Variants in TXNDC5 observed in about 807,000 individuals in gnomAD.
TXNDC5 encodes thioredoxin domain-containing protein 5.
Under a neutral mutation model 52.6 loss-of-function variants are expected in TXNDC5, and 44 were observed. The observed-to-expected ratio is 0.84, with a 90% CI of 0.66 to 1.08. TXNDC5 has a LOEUF of 1.08. Ranked by LOEUF, TXNDC5 falls within the 50% of genes least tolerant of loss-of-function variation. The pLI is 0.00. For missense variants in TXNDC5, 600 were observed against 565.5 expected, an observed-to-expected ratio of 1.06 and a Z score of -0.62; for synonymous variants, 241 against 234.4, an observed-to-expected ratio of 1.03 and a Z score of -0.26.
intron 1 of TXNDC5, among the ~76,000 whole-genome samples, chr6:7,907,024 G>A (rs1022843245): frequency 6.6e-6 from 1 of 152,178 alleles, no homozygotes; most frequent in Non-Finnish European, 1.5e-5. Context: ...CTGGGGCGGT[G>A]TCCAACAAGG....
At chr6:7,884,854 C>T (rs1416889873) in intron 8 of TXNDC5, among the ~76,000 whole-genome samples, 1 of 152,230 alleles carries the variant, frequency 6.6e-6, no homozygotes, top group African/African-American at 2.4e-5. Context: ...TAAAAGGTCA[C>T]TTGAATGCCA....
intron 4 of TXNDC5, among the ~76,000 whole-genome samples, chr6:7,892,632 C>T (rs1020801233): frequency 6.6e-6 from 1 of 151,934 alleles, no homozygotes; most frequent in Non-Finnish European, 1.5e-5. Flanking sequence ...ATGCTGGTCT[C>T]GTGATAGTGA....
chr6:7,908,281 CAAAAAAA>C (rs57783770), intron 1 of TXNDC5, among the ~76,000 whole-genome samples: 9 of 62,780 alleles, frequency 1.4e-4, no homozygotes, highest in African/African-American at 2.3e-4. Flanking sequence ...GACTCCATCT[CAAAAAAA>C]AAAAAAAAAA....
intron 1 of TXNDC5, chr6:7,909,763 G>A: frequency 1.0e-6 from 1 of 985,928 alleles, no homozygotes; most frequent in Non-Finnish European, 1.2e-6. Flanking sequence ...TCCTCTGCCC[G>A]GACCACTCCT....
intron 3 of TXNDC5, among the ~76,000 whole-genome samples, chr6:7,896,895 T>C (rs1248657550): frequency 6.6e-6 from 1 of 152,196 alleles, no homozygotes; most frequent in Admixed American, 6.5e-5. Flanking sequence ...CATAAGCTGA[T>C]ATGGTGCTTA....
At position 7,909,721 on chromosome 6, in the gene TXNDC5, A is replaced by G. The variant is rs897044572; in HGVS notation, c.263+793T>C. On this transcript the variant is annotated intron_variant, in intron 1 of 9. Transcript: ENST00000379757. ...GCGGAGGGGTTCCAGAATTCGCACT[A>G]CCTTGGTCTTCCCGGGGTAGCTCAG... 5.7e-5 allele frequency: 55 copies of G among 971,314 alleles called. No homozygotes were observed. The African/African-American group carries it at 8.9e-4, about 16-fold the overall frequency. The allele number at this position is 971,314 out of a possible 1,614,324, so 60.2% of individuals were successfully genotyped here.
chr6:7,883,263 G>A lies in TXNDC5; in HGVS notation c.1180C>T (p.Arg394Ter), dbSNP rs377761794. Residue 394 changes from arginine (R) to a stop codon, truncating the protein, a stop_gained, in exon 10 of 10, where the codon CGA becomes TGA. Transcript: ENST00000379757. LOFTEE classifies it low-confidence loss of function (END_TRUNC). ...ERNICSKYSVRGYPTLLLFRG... is the reference protein window; with the variant it reads ...ERNICSKYSV ...AAAAGCAATAACGTGGGGTAGCCTC[G>A]TACCTTAAAACAAAAAAGAAAAAAG... The A allele has an allele frequency of 1.1e-5, 18 of 1,613,956 alleles. No homozygotes were observed. The highest frequency in any genetic ancestry group is 1.7e-5 in the Admixed American group (1 of 60,000).
chr6:7,885,913 G>T, intron 8 of TXNDC5, 48 bp downstream of exon 8: 2 of 1,565,604 alleles, frequency 1.3e-6, no homozygotes, highest in South Asian at 2.2e-5. Context: ...AACATGATGT[G>T]ACTTAGTACA....
At chr6:7,888,989 G>T in intron 6 of TXNDC5, 141 bp from the exon 7 acceptor site, 1 of 1,110,356 alleles carries the variant, frequency 9.0e-7, no homozygotes, top group Non-Finnish European at 1.3e-6. Context: ...TTCATATTTA[G>T]ACGGGAATGT....
At position 7,888,735 on chromosome 6, in the gene TXNDC5, C is replaced by T. The variant is rs201328333; in HGVS notation, c.933G>A (p.Pro311=). ...ATETVTPSEA[P]VLAAEPEADK... Reference sequence around the variant, plus strand: ...CAGCCTCGGGCTCAGCTGCCAGCACCGGGGCCTCTGAGGGCGTGACGGTCT... The same window carrying T: ...CAGCCTCGGGCTCAGCTGCCAGCACTGGGGCCTCTGAGGGCGTGACGGTCT... Residue 311 remains proline, a synonymous_variant, in exon 7 of 10, where the codon CCG becomes CCA. Transcript: ENST00000379757. The T allele has an allele frequency of 2.6e-5, 42 of 1,613,272 alleles. No homozygotes were observed. The Middle Eastern group carries it at 1.8e-3, about 70-fold the overall frequency.
At chr6:7,896,945 CT>C (rs1020300536) in intron 3 of TXNDC5, among the ~76,000 whole-genome samples, 21 of 151,570 alleles carry the variant, frequency 1.4e-4, no homozygotes, top group Admixed American at 3.9e-4. Flanking sequence ...TAAAAATGAT[CT>C]TTTTTTTTAT....
At chr6:7,908,281 CAAAAA>C (rs57783770) in intron 1 of TXNDC5, among the ~76,000 whole-genome samples, 2 of 62,764 alleles carry the variant, frequency 3.2e-5, no homozygotes, top group Middle Eastern at 0.01. Flanking sequence ...GACTCCATCT[CAAAAA>C]AAAAAAAAAA....
At position 7,906,227 on chromosome 6, in the gene TXNDC5, A is replaced by AT. The variant is rs201743186; in HGVS notation, c.264-1505dup. 4.6e-3 allele frequency among the ~76,000 whole-genome samples: 684 copies of AT among 148,068 alleles called. 5 individuals are homozygous for AT. Among genetic ancestry groups the AT allele is most frequent in the African/African-American group, 0.016 (653 of 39,996 alleles). On this transcript the variant is annotated intron_variant, in intron 1 of 9. Transcript: ENST00000379757. ...CTGCACTCCAGCCTGGGTGACAGAGATTTTGTCTCTTAAGAAAAAAAGGAT... is the reference window on the plus strand; with the variant it reads ...CTGCACTCCAGCCTGGGTGACAGAGATTTTTGTCTCTTAAGAAAAAAAGGAT...
intron 5 of TXNDC5, among the ~76,000 whole-genome samples, chr6:7,890,597 G>C (rs1760156633): frequency 6.6e-6 from 1 of 152,120 alleles, no homozygotes; most frequent in African/African-American, 2.4e-5. Context: ...CAGTAGACAA[G>C]ATTATTTTAT....
intron 2 of TXNDC5, among the ~76,000 whole-genome samples, chr6:7,903,000 C>A (rs1760618754): frequency 6.6e-6 from 1 of 152,124 alleles, no homozygotes; most frequent in Non-Finnish European, 1.5e-5. Context: ...TAACACATAC[C>A]ACTCTCAGCT....
At chr6:7,890,355 C>CAG (rs1554128314) in intron 5 of TXNDC5, among the ~76,000 whole-genome samples, 1 of 152,086 alleles carries the variant, frequency 6.6e-6, no homozygotes, top group African/African-American at 2.4e-5. Context: ...AGCTAAGGTG[C>CAG]GGAACTGAAG....
intron 3 of TXNDC5, among the ~76,000 whole-genome samples, chr6:7,895,807 AGAGT>A (rs757005259): frequency 6.6e-6 from 1 of 152,244 alleles, no homozygotes; most frequent in East Asian, 1.9e-4. Context: ...CCTAGGCAAC[AGAGT>A]GAGACCCCAT....
rs142457035 is a variant in TXNDC5, at chr6:7,892,589, G to A, written c.617-853C>T. Among the ~76,000 whole-genome samples, 597 of 152,346 alleles carry A rather than the reference G, an allele frequency of 3.9e-3. 7 individuals are homozygous for A. The highest frequency in any genetic ancestry group is 0.025 in the Admixed American group (383 of 15,306). On this transcript the variant is annotated intron_variant, in intron 4 of 9. Coordinates refer to ENST00000379757, the MANE Select transcript of TXNDC5 (RefSeq NM_030810.5). ...ACATGTCGTGGGAGGGACCAGGTAG[G>A]AGGTAACTGAGTCACGGGGACAGGT... is the stretch of plus-strand genomic sequence containing the variant.
intron 5 of TXNDC5, among the ~76,000 whole-genome samples, chr6:7,889,827 CA>C (rs1368204576): frequency 1.3e-5 from 2 of 152,164 alleles, no homozygotes; most frequent in Non-Finnish European, 2.9e-5. Context: ...CTCAGTTAAA[CA>C]TGCCGGTTTT....
Sources: allele counts gnomAD v4.1 joint callset (sites outside exome capture counted in the v4.1 genomes callset), GRCh38; gene constraint gnomAD v4.1.1; transcripts MANE v1.5; gene names NCBI Gene and HGNC (gene_info 2026-07-23, HGNC 2026-07-21).